KHDRBS2: variants seen among roughly 807,000 people sequenced by gnomAD.
KHDRBS2 encodes KH domain-containing, RNA-binding, signal transduction-associated protein 2.
KHDRBS2 carries 26 observed loss-of-function variants against 44.3 expected under a neutral mutation model. The observed-to-expected ratio is 0.59, with a 90% CI of 0.43 to 0.81. The LOEUF is 0.81. Ranked by LOEUF, KHDRBS2 falls within the 40% of genes least tolerant of loss-of-function variation. The pLI, the probability that KHDRBS2 is intolerant of heterozygous loss-of-function variation, is 0.00. For synonymous variants in KHDRBS2, 194 were observed against 151.1 expected, an observed-to-expected ratio of 1.28 and a Z score of -2.08; for missense variants, 476 against 433.1, an observed-to-expected ratio of 1.10 and a Z score of -0.88.
chr6:62,006,900 A>G (rs1779343002), intron 3 of KHDRBS2, among the ~76,000 whole-genome samples: 1 of 152,076 alleles, frequency 6.6e-6, no homozygotes, highest in South Asian at 2.1e-4. Context: ...GGCAGGAGTT[A>G]TTAGATAAAT....
intron 3 of KHDRBS2, among the ~76,000 whole-genome samples, chr6:62,019,920 T>A (rs193084442): frequency 1.4e-3 from 209 of 152,006 alleles, no homozygotes; most frequent in African/African-American, 4.8e-3. Context: ...TGTATTTTAT[T>A]TATGTTCAAT....
At chr6:62,006,779 A>G (rs1405448431) in intron 3 of KHDRBS2, among the ~76,000 whole-genome samples, 1 of 152,078 alleles carries the variant, frequency 6.6e-6, no homozygotes, top group African/African-American at 2.4e-5. Context: ...TTAATTTAAA[A>G]GAAGACAAAA....
At chr6:61,700,270 C>T (rs1411206616) in intron 7 of KHDRBS2, among the ~76,000 whole-genome samples, 2 of 151,070 alleles carry the variant, frequency 1.3e-5, no homozygotes, top group Non-Finnish European at 2.9e-5. Context: ...ATGTTTCTCA[C>T]TTTTTATTTT....
the KHDRBS2 span, among the ~76,000 whole-genome samples, chr6:61,604,026 C>A: frequency 6.6e-6 from 1 of 152,194 alleles, no homozygotes; most frequent in Admixed American, 6.5e-5. Flanking sequence ...TACCGCTCTG[C>A]CCCCTCCACT....
At chr6:61,559,862 T>A in the KHDRBS2 span, among the ~76,000 whole-genome samples, 1 of 152,238 alleles carries the variant, frequency 6.6e-6, no homozygotes, top group Non-Finnish European at 1.5e-5. Context: ...ACAATTTCAA[T>A]GTTATAACAT....
intron 4 of KHDRBS2, among the ~76,000 whole-genome samples, chr6:61,908,409 C>A (rs1346538306): frequency 6.6e-6 from 1 of 151,692 alleles, no homozygotes; most frequent in Admixed American, 6.6e-5. Flanking sequence ...CCGAGGCGGG[C>A]AGATCACAAG....
At chr6:62,198,662 G>A (rs1826217741) in intron 1 of KHDRBS2, among the ~76,000 whole-genome samples, 1 of 152,178 alleles carries the variant, frequency 6.6e-6, no homozygotes, top group East Asian at 1.9e-4. Flanking sequence ...GAGGTACAAG[G>A]AGGAGCTGGT....
chr6:62,015,812 T>C (rs982760836), intron 3 of KHDRBS2, among the ~76,000 whole-genome samples: 3 of 152,224 alleles, frequency 2.0e-5, no homozygotes, highest in African/African-American at 7.2e-5. Context: ...ATGGATTTCA[T>C]GTTATTTCTG....
At chr6:61,618,174 A>G in the KHDRBS2 span, among the ~76,000 whole-genome samples, 1 of 152,132 alleles carries the variant, frequency 6.6e-6, no homozygotes, top group Non-Finnish European at 1.5e-5. Context: ...CAATTAATCA[A>G]CAAATAGAGA....
intron 7 of KHDRBS2, among the ~76,000 whole-genome samples, chr6:61,722,600 T>C (rs533018915): frequency 5.3e-5 from 8 of 152,302 alleles, no homozygotes; most frequent in African/African-American, 1.9e-4. Context: ...CATATTCTAC[T>C]ATTTTATTTT....
At chr6:61,543,843 C>T in the KHDRBS2 span, among the ~76,000 whole-genome samples, 27 of 152,036 alleles carry the variant, frequency 1.8e-4, no homozygotes, top group South Asian at 5.6e-3. Context: ...GTGAGATATG[C>T]CAGGCACAGA....
chr6:61,683,198 G>A (rs1766489326), intron 8 of KHDRBS2, among the ~76,000 whole-genome samples: 1 of 151,728 alleles, frequency 6.6e-6, no homozygotes. Context: ...TGAGCGGAGT[G>A]ACAGAATACT....
the KHDRBS2 span, chr6:61,661,430 G>C: frequency 6.6e-6 from 1 of 151,814 alleles, no homozygotes; most frequent in Non-Finnish European, 1.5e-5. Flanking sequence ...CATCTATAAG[G>C]CATTCTCATA....
intron 4 of KHDRBS2, among the ~76,000 whole-genome samples, chr6:61,931,875 T>A (rs1323342617): frequency 1.3e-5 from 2 of 152,102 alleles, no homozygotes; most frequent in Non-Finnish European, 2.9e-5. Flanking sequence ...CTCCTCCTCC[T>A]CCTCCTCAGC....
the KHDRBS2 span, among the ~76,000 whole-genome samples, chr6:61,590,118 T>G: frequency 5.3e-5 from 8 of 151,902 alleles, no homozygotes; most frequent in Admixed American, 6.6e-5. Flanking sequence ...AATATGTGTT[T>G]TTGCCCATTT....
At chr6:61,817,798 C>G (rs1204827499) in intron 6 of KHDRBS2, among the ~76,000 whole-genome samples, 1 of 152,022 alleles carries the variant, frequency 6.6e-6, no homozygotes, top group South Asian at 2.1e-4. Context: ...GAAGCTAGCT[C>G]TTTATATTTT....
At chr6:61,852,353 G>A (rs1795556934) in intron 6 of KHDRBS2, among the ~76,000 whole-genome samples, 1 of 151,724 alleles carries the variant, frequency 6.6e-6, no homozygotes, top group Admixed American at 6.6e-5. Context: ...ATTACAAGGT[G>A]AAGAGATCGA....
At chr6:61,674,126 C>T in the KHDRBS2 span, among the ~76,000 whole-genome samples, 1 of 151,660 alleles carries the variant, frequency 6.6e-6, no homozygotes, top group Non-Finnish European at 1.5e-5. Context: ...TCATTTGTTC[C>T]ACCAATGACT....
intron 6 of KHDRBS2, among the ~76,000 whole-genome samples, chr6:61,773,655 C>T (rs1471816983): frequency 6.7e-6 from 1 of 150,268 alleles, no homozygotes; most frequent in African/African-American, 2.5e-5. Context: ...TAATTAGATC[C>T]CATTTGTCAA....
Sources: allele counts gnomAD v4.1 joint callset (sites outside exome capture counted in the v4.1 genomes callset), GRCh38; gene constraint gnomAD v4.1.1; transcripts MANE v1.5; gene names NCBI Gene and HGNC (gene_info 2026-07-23, HGNC 2026-07-21).